LSAMP: variants seen among roughly 807,000 people sequenced by gnomAD.
The protein encoded by LSAMP is limbic system associated membrane protein.
Under a neutral mutation model 38.6 loss-of-function variants are expected in LSAMP, and 7 were observed. The ratio of observed to expected loss-of-function variants is 0.18; its 90% CI spans 0.10 to 0.34. LSAMP has a LOEUF of 0.34. Among genes scored for constraint, LSAMP ranks in the 10% least tolerant of loss-of-function variants. The probability of loss-of-function intolerance (pLI) is 1.00; values close to 1 mark genes in which losing one functional copy is unlikely to be tolerated. For missense variants in LSAMP, 313 were observed against 420.0 expected, an observed-to-expected ratio of 0.75 and a Z score of 2.23; for synonymous variants, 154 against 166.8, an observed-to-expected ratio of 0.92 and a Z score of 0.59.
intron 1 of LSAMP, among the ~76,000 whole-genome samples, chr3:116,376,331 G>A (rs995360298): frequency 6.6e-6 from 1 of 151,996 alleles, no homozygotes; most frequent in Non-Finnish European, 1.5e-5. Flanking sequence ...GATAAAAAAT[G>A]TGATGGAAAA....
intron 1 of LSAMP, among the ~76,000 whole-genome samples, chr3:116,339,483 T>C (rs1211094508): frequency 6.6e-6 from 1 of 151,850 alleles, no homozygotes; most frequent in Non-Finnish European, 1.5e-5. Context: ...TTTTTTATTA[T>C]TATGATACTG....
chr3:116,070,737 T>C (rs912063108), intron 2 of LSAMP, among the ~76,000 whole-genome samples: 1 of 152,092 alleles, frequency 6.6e-6, no homozygotes, highest in Admixed American at 6.5e-5. Flanking sequence ...CTTTATGATA[T>C]CTCTTTTAAA....
chr3:116,269,515 C>A (rs749674149), intron 1 of LSAMP, among the ~76,000 whole-genome samples: 3 of 152,010 alleles, frequency 2.0e-5, no homozygotes, highest in Non-Finnish European at 4.4e-5. Context: ...GATGCTAAAC[C>A]TAATGGCACT....
intron 3 of LSAMP, among the ~76,000 whole-genome samples, chr3:115,866,194 A>G (rs1407578247): frequency 6.6e-6 from 1 of 152,134 alleles, no homozygotes; most frequent in Non-Finnish European, 1.5e-5. Context: ...TCATATTTGT[A>G]AAGTCTCAGC....
At chr3:115,982,962 A>C in intron 3 of LSAMP, among the ~76,000 whole-genome samples, 1 of 148,260 alleles carries the variant, frequency 6.7e-6, no homozygotes, top group African/African-American at 2.5e-5. Context: ...ATCCAGTCTA[A>C]GGCAAAGTAT....
chr3:116,397,382 A>AC (rs1559853692), intron 1 of LSAMP, among the ~76,000 whole-genome samples: 2 of 64,350 alleles, frequency 3.1e-5, no homozygotes, highest in Non-Finnish European at 2.8e-5. Flanking sequence ...TATTTAAAAT[A>AC]CCCGCCCCCC....
intron 3 of LSAMP, among the ~76,000 whole-genome samples, chr3:115,894,016 C>T (rs184631010): frequency 5.9e-5 from 9 of 152,140 alleles, no homozygotes; most frequent in Admixed American, 5.9e-4. Flanking sequence ...GGTCAAACCT[C>T]CTTTTCATGT....
intron 1 of LSAMP, among the ~76,000 whole-genome samples, chr3:116,436,341 A>G (rs1731609): frequency 0.035 from 5,340 of 152,272 alleles, 293 homozygotes; most frequent in African/African-American, 0.12. Flanking sequence ...AAACAAAGAT[A>G]AATAGCTGGG....
chr3:116,105,624 A>C (rs1405750361), intron 1 of LSAMP, among the ~76,000 whole-genome samples: 1 of 152,172 alleles, frequency 6.6e-6, no homozygotes, highest in Non-Finnish European at 1.5e-5. Flanking sequence ...TTAATCACTC[A>C]GTTAAAGTGG....
intron 1 of LSAMP, among the ~76,000 whole-genome samples, chr3:116,095,836 T>G (rs1708214858): frequency 6.6e-6 from 1 of 152,192 alleles, no homozygotes; most frequent in South Asian, 2.1e-4. Flanking sequence ...TTCTTCCTTA[T>G]TTTGTAAGTG....
intron 1 of LSAMP, among the ~76,000 whole-genome samples, chr3:116,216,958 A>G (rs2046227485): frequency 6.6e-6 from 1 of 152,222 alleles, no homozygotes; most frequent in Non-Finnish European, 1.5e-5. Flanking sequence ...TTAGTGGTTA[A>G]GATAAGCACT....
At chr3:115,899,367 A>T (rs1038161853) in intron 3 of LSAMP, among the ~76,000 whole-genome samples, 1 of 152,180 alleles carries the variant, frequency 6.6e-6, no homozygotes, top group Non-Finnish European at 1.5e-5. Flanking sequence ...AAAAGGAATT[A>T]CATAAAGAAA....
At chr3:116,282,627 C>T (rs2047141414) in intron 1 of LSAMP, among the ~76,000 whole-genome samples, 1 of 152,120 alleles carries the variant, frequency 6.6e-6, no homozygotes. Context: ...TGGATTTTAA[C>T]TATAAGCAGA....
intron 3 of LSAMP, among the ~76,000 whole-genome samples, chr3:115,875,669 GATTAGGGA>G (rs1559862639): frequency 1.3e-5 from 2 of 152,000 alleles, no homozygotes; most frequent in Non-Finnish European, 2.9e-5. Context: ...AAGCTCGCTA[GATTAGGGA>G]AATTGTCCTC....
chr3:115,920,486 G>C lies in LSAMP; in HGVS notation c.515-67869C>G, dbSNP rs1220442535. 2.0e-5 allele frequency among the ~76,000 whole-genome samples: 3 copies of C among 151,976 alleles called. No homozygotes were observed. In the East Asian group the frequency reaches 5.8e-4, roughly 29 times the overall value. ...GATGTTGAACATCTTACATATACCT[G>C]TTGGCTTCTTGTATGTCTTCTTCAG... On this transcript the variant is annotated intron_variant, in intron 3 of 6. Transcript: ENST00000490035.
chr3:116,105,252 G>A (rs1173969354), intron 1 of LSAMP, among the ~76,000 whole-genome samples: 1 of 151,844 alleles, frequency 6.6e-6, no homozygotes, highest in Non-Finnish European at 1.5e-5. Context: ...GCAATTCTTT[G>A]AGACTCTGTT....
intron 1 of LSAMP, among the ~76,000 whole-genome samples, chr3:116,422,064 G>T (rs534632695): frequency 1.3e-5 from 2 of 151,790 alleles, no homozygotes; most frequent in Admixed American, 1.3e-4. Context: ...ACATAATATG[G>T]CATATCTACA....
chr3:115,985,142 A>G (rs892685105), intron 3 of LSAMP, among the ~76,000 whole-genome samples: 1 of 152,228 alleles, frequency 6.6e-6, no homozygotes, highest in Admixed American at 6.5e-5. Flanking sequence ...CAGAGGAAGG[A>G]TTTATTGCAA....
chr3:116,444,364 G>A (rs1403532723), intron 1 of LSAMP, among the ~76,000 whole-genome samples: 6 of 122,126 alleles, frequency 4.9e-5, no homozygotes, highest in East Asian at 2.5e-4. Flanking sequence ...GTGTGTGTGT[G>A]TATGTGTGTG....
Sources: gnomAD v4.1 joint callset for allele counts (sites outside exome capture counted in the v4.1 genomes callset) on GRCh38, gnomAD v4.1.1 for gene constraint, MANE v1.5 for transcripts, NCBI Gene and HGNC (gene_info 2026-07-23, HGNC 2026-07-21) for gene names.